Variants in URI1 observed in about 807,000 individuals in gnomAD.
The protein encoded by URI1 is unconventional prefoldin RPB5 interactor 1.
In URI1, 39 loss-of-function variants were observed where a neutral mutation model predicts 60.2. The ratio of observed to expected loss-of-function variants is 0.65; its 90% CI spans 0.50 to 0.85. The LOEUF (loss-of-function observed/expected upper bound fraction) is 0.85, where lower values mean the gene tolerates loss of function less well. URI1 is among the 40% of genes least tolerant of loss of function. The pLI is 0.00. For missense variants in URI1, 691 were observed against 665.9 expected (o/e 1.04, Z -0.42); for synonymous variants, 251 against 236.8 (o/e 1.06, Z -0.55).
Position 30,015,232 on chromosome 19 carries a change from G to T in URI1, c.*163G>T, listed in dbSNP as rs1388232846. 9 of 1,416,616 alleles carry T rather than the reference G, an allele frequency of 6.4e-6. No homozygotes were observed. Among genetic ancestry groups the T allele is most frequent in the Non-Finnish European group, 7.3e-6 (8 of 1,089,330 alleles). 87.8% of individuals were successfully genotyped at this position (1,416,616 alleles called of 1,614,324 possible). On this transcript the variant is annotated 3_prime_UTR_variant, in exon 11 of 11. Coordinates refer to ENST00000392271, the MANE Select transcript of URI1 (RefSeq NM_003796.3). ...CCCGTGGTATTTGAAAAAAATCAAGGTAACTGTCTGAATACTTTAATATCA... is the reference window on the plus strand; with the variant it reads ...CCCGTGGTATTTGAAAAAAATCAAGTTAACTGTCTGAATACTTTAATATCA...
chr19:29,999,140 G>A (rs754273741), intron 4 of URI1, among the ~76,000 whole-genome samples: 1 of 151,668 alleles, frequency 6.6e-6, no homozygotes, highest in Non-Finnish European at 1.5e-5. Context: ...TATATATTGT[G>A]TCTCCATTAA....
intron 2 of URI1, among the ~76,000 whole-genome samples, chr19:29,981,073 A>G (rs190583926): frequency 2.3e-4 from 35 of 151,336 alleles, no homozygotes; most frequent in African/African-American, 8.0e-4. Flanking sequence ...AGTCTTTATC[A>G]CTGGCCTCAA....
At chr19:29,924,161 C>A (rs538164835) in intron 1 of URI1, among the ~76,000 whole-genome samples, 159 of 152,212 alleles carry the variant, frequency 1.0e-3, no homozygotes, top group Admixed American at 1.2e-3. Flanking sequence ...TTGGTGAGGG[C>A]AGATGTTTTT....
At chr19:29,993,854 T>C (rs529758707) in intron 4 of URI1, among the ~76,000 whole-genome samples, 2 of 152,328 alleles carry the variant, frequency 1.3e-5, no homozygotes, top group South Asian at 4.1e-4. Context: ...CATAGACTTA[T>C]GCATTCCTAC....
At position 30,012,527 on chromosome 19, in the gene URI1, C is replaced by A. The variant is rs1370841788; in HGVS notation, c.1421C>A (p.Pro474His). ...QKKLLPLSVT[P>H]EAFSGTVIEK... Reference sequence around the variant, plus strand: ...AAACTTTTGCCCTTATCAGTAACACCTGAGGTGTGTGTGTGTATCTTTTAA... The same window carrying A: ...AAACTTTTGCCCTTATCAGTAACACATGAGGTGTGTGTGTGTATCTTTTAA... The change falls in exon 10 of 11, where the codon CCT (proline) becomes CAT (histidine). Residue 474 changes from proline (P) to histidine (H), a missense_variant. By Grantham distance (77) the Pro-to-His change is moderately conservative. Coordinates refer to ENST00000392271, the MANE Select transcript of URI1 (RefSeq NM_003796.3). 6.2e-7 allele frequency: 1 copy of A among 1,613,752 alleles called. No individual in the cohort carries two copies. Among genetic ancestry groups the A allele is most frequent in the Admixed American group, 1.7e-5 (1 of 59,972 alleles).
intron 1 of URI1, among the ~76,000 whole-genome samples, chr19:29,950,425 AT>A (rs2055165423): frequency 6.6e-6 from 1 of 152,172 alleles, no homozygotes; most frequent in Non-Finnish European, 1.5e-5. Flanking sequence ...GTCATATGCA[AT>A]TTTCCCCCCT....
intron 1 of URI1, among the ~76,000 whole-genome samples, chr19:29,961,030 ATT>A (rs892996752): frequency 6.8e-6 from 1 of 147,080 alleles, no homozygotes; most frequent in Non-Finnish European, 1.5e-5. Context: ...AAAAAAAAAA[ATT>A]TTTTTTTTTG....
Position 30,012,292 on chromosome 19 carries a change from G to A in URI1, c.1186G>A (p.Val396Ile), listed in dbSNP as rs1330312899. ...RTPADIYRAFVDVVNGEYVPR... is the reference protein window; with the variant it reads ...RTPADIYRAFIDVVNGEYVPR... The stretch of plus-strand genomic sequence containing the variant: ...GTGTTTTGAATATCACAGAGCCTTT[G>A]TTGATGTTGTGAATGGAGAATATGT... Residue 396 changes from valine to isoleucine, a missense_variant, in exon 10 of 11, where the codon GTT becomes ATT. Val to Ile is a conservative substitution (Grantham distance 29). Transcript: ENST00000392271. 1 of 1,612,916 alleles carries A rather than the reference G, an allele frequency of 6.2e-7. No individual in the cohort carries two copies. Among genetic ancestry groups the A allele is most frequent in the African/African-American group, 1.3e-5 (1 of 74,924 alleles).
Position 29,957,545 on chromosome 19 carries a change from A to G in URI1, c.118-13648A>G, listed in dbSNP as rs574676675. ...ACACTCTTACTATTTTAGCTTTATA[A>G]TAGGTCTTGATATCTAGTAGTAAAA... On this transcript the variant is annotated intron_variant, in intron 1 of 10. Transcript: ENST00000392271. Among the ~76,000 whole-genome samples, 212 of 152,236 alleles carry G rather than the reference A, an allele frequency of 1.4e-3. 1 individual carries two copies. The highest frequency in any genetic ancestry group is 4.7e-3 in the African/African-American group (197 of 41,556).
intron 6 of URI1, among the ~76,000 whole-genome samples, chr19:30,006,203 C>T (rs1196430424): frequency 6.6e-6 from 1 of 152,112 alleles, no homozygotes; most frequent in Admixed American, 6.6e-5. Flanking sequence ...CAGTAGATTT[C>T]TTTTGCCAAG....
At chr19:29,999,468 TTCTC>T (rs1260721249) in intron 4 of URI1, among the ~76,000 whole-genome samples, 1 of 152,136 alleles carries the variant, frequency 6.6e-6, no homozygotes, top group Admixed American at 6.5e-5. Flanking sequence ...AGTATTTTGT[TTCTC>T]TCTCAGCACT....
intron 1 of URI1, among the ~76,000 whole-genome samples, chr19:29,968,102 A>G (rs546953918): frequency 6.6e-5 from 10 of 152,346 alleles, no homozygotes; most frequent in Admixed American, 3.9e-4. Flanking sequence ...CTGTACTTCT[A>G]TGTAGGTACA....
At chr19:29,938,242 G>A (rs538492688), upstream of URI1, among the ~76,000 whole-genome samples, 9 of 152,204 alleles carry the variant, frequency 5.9e-5, no homozygotes, top group South Asian at 4.1e-4. Flanking sequence ...ACACCTGCTC[G>A]GTTTCTGGTG....
intron 1 of URI1, among the ~76,000 whole-genome samples, chr19:29,947,094 G>C (rs1055997697): frequency 1.3e-5 from 2 of 152,174 alleles, no homozygotes; most frequent in African/African-American, 4.8e-5. Flanking sequence ...GGAGTGAGCT[G>C]TGTGGATATA....
upstream of URI1, among the ~76,000 whole-genome samples, chr19:29,938,430 T>A (rs1474593719): frequency 6.6e-6 from 1 of 152,084 alleles, no homozygotes; most frequent in Non-Finnish European, 1.5e-5. Context: ...TCATGAGGGA[T>A]CCGCCCCCAA....
intron 4 of URI1, 81 bp from the exon 5 acceptor site, chr19:30,005,280 T>G (rs539945294): frequency 3.5e-5 from 26 of 742,820 alleles, no homozygotes; most frequent in Non-Finnish European, 4.8e-5. Context: ...ATACTTGTAG[T>G]GTGATAGGAC....
intron 2 of URI1, among the ~76,000 whole-genome samples, chr19:29,973,956 T>A (rs1226509969): frequency 6.6e-6 from 1 of 152,208 alleles, no homozygotes; most frequent in African/African-American, 2.4e-5. Flanking sequence ...ATCCACACAC[T>A]GTTACCTCCT....
intron 4 of URI1, among the ~76,000 whole-genome samples, chr19:29,993,435 T>G (rs1181992862): frequency 4.6e-5 from 7 of 152,214 alleles, no homozygotes; most frequent in Non-Finnish European, 1.0e-4. Flanking sequence ...TTTAGTCTTG[T>G]TTAATGTTGT....
chr19:29,926,804 T>A (rs2054872146), intron 1 of URI1, among the ~76,000 whole-genome samples: 1 of 152,150 alleles, frequency 6.6e-6, no homozygotes, highest in Admixed American at 6.5e-5. Context: ...GAGAGGGGTC[T>A]GGGTCAGGTC....
Sources: gnomAD v4.1 joint callset for allele counts (sites outside exome capture counted in the v4.1 genomes callset) on GRCh38, gnomAD v4.1.1 for gene constraint, MANE v1.5 for transcripts, NCBI Gene and HGNC (gene_info 2026-07-23, HGNC 2026-07-21) for gene names.